MAP4K3: variants seen among roughly 807,000 people sequenced by gnomAD.
The protein encoded by MAP4K3 is mitogen-activated protein kinase kinase kinase kinase 3.
In MAP4K3, 94 loss-of-function variants were observed where a neutral mutation model predicts 143.5. The observed-to-expected ratio is 0.65, with a 90% CI of 0.55 to 0.78. The LOEUF (loss-of-function observed/expected upper bound fraction) is 0.78, where lower values mean the gene tolerates loss of function less well. Among genes scored for constraint, MAP4K3 ranks in the 30% least tolerant of loss-of-function variants. The pLI is 0.00. For missense variants in MAP4K3, 1,077 were observed against 1,068.1 expected, an observed-to-expected ratio of 1.01 and a Z score of -0.12; for synonymous variants, 416 against 347.2, an observed-to-expected ratio of 1.20 and a Z score of -2.20.
At chr2:39,321,484 A>T (rs1352890652) in intron 12 of MAP4K3, among the ~76,000 whole-genome samples, 1 of 152,220 alleles carries the variant, frequency 6.6e-6, no homozygotes, top group African/African-American at 2.4e-5. Context: ...CGCCTAGGAA[A>T]GCCAGGTATT....
intron 1 of MAP4K3, among the ~76,000 whole-genome samples, chr2:39,424,389 T>C (rs1339000843): frequency 1.3e-5 from 2 of 152,066 alleles, no homozygotes; most frequent in African/African-American, 2.4e-5. Context: ...ATCTCTGCAA[T>C]CTAGGTGCTT....
chr2:39,355,435 G>A (rs986850069), intron 3 of MAP4K3, among the ~76,000 whole-genome samples: 1 of 151,364 alleles, frequency 6.6e-6, no homozygotes, highest in South Asian at 2.1e-4. Flanking sequence ...TGAGGCTGAG[G>A]TGGGAGGATC....
At chr2:39,302,991 G>A (rs1365077744) in intron 15 of MAP4K3, 1 of 166,780 alleles carries the variant, frequency 6.0e-6, no homozygotes, top group Non-Finnish European at 1.5e-5. Flanking sequence ...GTAACATGGA[G>A]CACCGGAAAA....
chr2:39,273,720 A>G (rs1195639981), intron 24 of MAP4K3, among the ~76,000 whole-genome samples: 1 of 152,210 alleles, frequency 6.6e-6, no homozygotes, highest in Non-Finnish European at 1.5e-5. Context: ...AAAATAACCA[A>G]TTTCTCCAAA....
rs114870542 is a variant in MAP4K3 at position 39,382,854 on chromosome 2, G to A, written c.97-4731C>T. Among the ~76,000 whole-genome samples the A allele has an allele frequency of 8.1e-3, 1,240 of 152,210 alleles. 8 individuals are homozygous for A. The highest frequency in any genetic ancestry group is 0.013 in the Non-Finnish European group (868 of 68,014). On this transcript the variant is annotated intron_variant, in intron 1 of 33. Transcript: ENST00000263881. ...AACCACCAACTTATAAGCCTGAAAAGGTATTACAGGAATGATGGCATGAAG... is the reference window on the plus strand; with the variant it reads ...AACCACCAACTTATAAGCCTGAAAAAGTATTACAGGAATGATGGCATGAAG...
chr2:39,424,463 G>C (rs918579510), intron 1 of MAP4K3, among the ~76,000 whole-genome samples: 7 of 152,082 alleles, frequency 4.6e-5, no homozygotes, highest in Non-Finnish European at 1.0e-4. Context: ...CAGCACATTG[G>C]AACGGAGACC....
Position 39,249,335 on chromosome 2 carries a change from C to T in MAP4K3, c.*1283G>A, listed in dbSNP as rs1421357767. 6.6e-6 allele frequency: 1 copy of T among 152,464 alleles called. No individual in the cohort carries two copies. Among genetic ancestry groups the T allele is most frequent in the East Asian group, 1.9e-4 (1 of 5,202 alleles). The allele number at this position is 152,464 out of a possible 1,614,324, so 9.4% of individuals were successfully genotyped here. A position where few individuals can be genotyped will look rare whatever the true frequency, so the allele number is the denominator to read the frequency against. On this transcript the variant is annotated 3_prime_UTR_variant, in exon 34 of 34. Transcript: ENST00000263881. ...GTACAATCAGGAACATATTTTAAAA[C>T]CATTATCATTAAAATAAATGAAGAT... is the stretch of plus-strand genomic sequence containing the variant.
At chr2:39,282,146 G>C (rs984962173) in intron 22 of MAP4K3, among the ~76,000 whole-genome samples, 13 of 150,002 alleles carry the variant, frequency 8.7e-5, no homozygotes, top group Non-Finnish European at 1.8e-4. Context: ...AATGAGCTGA[G>C]ATTATGCCAC....
rs527749687 is a variant in MAP4K3 at position 39,254,161 on chromosome 2, T to G, written c.2541+289A>C. Among the ~76,000 whole-genome samples, 8 of 152,238 alleles carry G rather than the reference T, an allele frequency of 5.3e-5. No homozygotes were observed. The East Asian group carries it at 1.5e-3, about 29-fold the overall frequency. On this transcript the variant is annotated intron_variant, in intron 32 of 33. Coordinates refer to ENST00000263881, the MANE Select transcript of MAP4K3 (RefSeq NM_003618.4). Reference sequence around the variant, plus strand: ...TGCTCCTGGGGTTCCTCTGGGAAAGTTGAAAGAAAATCATAGTTGGCTCAC... The same window carrying G: ...TGCTCCTGGGGTTCCTCTGGGAAAGGTGAAAGAAAATCATAGTTGGCTCAC...
chr2:39,256,647 A>T, intron 31 of MAP4K3, among the ~76,000 whole-genome samples: 1 of 152,334 alleles, frequency 6.6e-6, no homozygotes, highest in Non-Finnish European at 1.5e-5. Context: ...TTAGATTTTT[A>T]AAAATGATTT....
At chr2:39,427,292 T>G (rs992310177) in intron 1 of MAP4K3, among the ~76,000 whole-genome samples, 8 of 151,950 alleles carry the variant, frequency 5.3e-5, no homozygotes, top group African/African-American at 1.9e-4. Flanking sequence ...TGAGTTTACC[T>G]TATACAGTTC....
At chr2:39,372,765 T>C (rs1002487807) in intron 2 of MAP4K3, among the ~76,000 whole-genome samples, 1 of 152,106 alleles carries the variant, frequency 6.6e-6, no homozygotes, top group Admixed American at 6.5e-5. Context: ...ACCCCCTTCC[T>C]CTTACCATAT....
chr2:39,390,193 A>C (rs2148594345), intron 1 of MAP4K3, among the ~76,000 whole-genome samples: 1 of 152,278 alleles, frequency 6.6e-6, no homozygotes, highest in Non-Finnish European at 1.5e-5. Context: ...ATAACTGGGG[A>C]TGATAATAGT....
rs1297547709 is a variant in MAP4K3, at chr2:39,325,755, C to T, written c.782G>A (p.Arg261Lys). ...CTGTAATAATTTTTCAGCAGTAGGT[C>T]TTTTTTTCGGATTTTTGGTAAGTGC... The part of the protein sequence containing the change: ...KMALTKNPKK[R>K]PTAEKLLQHP... The change falls in exon 11 of 34, where the codon AGA (arginine) becomes AAA (lysine). Residue 261 changes from arginine (R) to lysine (K), a missense_variant. Coordinates refer to ENST00000263881, the MANE Select transcript of MAP4K3 (RefSeq NM_003618.4). 1.2e-6 allele frequency: 2 copies of T among 1,609,632 alleles called. No individual in the cohort carries two copies. Among genetic ancestry groups the T allele is most frequent in the South Asian group, 2.2e-5 (2 of 89,812 alleles).
intron 13 of MAP4K3, among the ~76,000 whole-genome samples, chr2:39,312,494 G>A (rs887869524): frequency 3.9e-5 from 6 of 152,144 alleles, no homozygotes; most frequent in African/African-American, 1.4e-4. Flanking sequence ...AACTTTGTAT[G>A]TAAATTTATT....
intron 6 of MAP4K3, among the ~76,000 whole-genome samples, chr2:39,336,267 G>T (rs1032262306): frequency 2.2e-4 from 34 of 151,970 alleles, no homozygotes; most frequent in African/African-American, 8.0e-4. Flanking sequence ...GAGGTCAGGA[G>T]ATCGAGACCA....
intron 26 of MAP4K3, among the ~76,000 whole-genome samples, chr2:39,270,044 G>T (rs1354503634): frequency 6.6e-5 from 10 of 152,152 alleles, no homozygotes; most frequent in African/African-American, 2.2e-4. Context: ...TCGGCTGGCA[G>T]AAAGTTTAAT....
chr2:39,295,341 AT>A (rs1276405052), intron 16 of MAP4K3, among the ~76,000 whole-genome samples: 2 of 151,738 alleles, frequency 1.3e-5, no homozygotes, highest in Non-Finnish European at 2.9e-5. Flanking sequence ...AAATAATATT[AT>A]TTTAAAAATA....
At position 39,299,812 on chromosome 2, in the gene MAP4K3, A is replaced by G; in HGVS notation, c.1120-11T>C. ...TTCCAGTTGCAGATCCTAATAGTAC[A>G]AAATAAAATATTTAGCACAATAGTA... On this transcript the variant is annotated splice_polypyrimidine_tract_variant and intron_variant, in intron 15 of 33. Transcript: ENST00000263881. The G allele has an allele frequency of 1.3e-6, 2 of 1,504,640 alleles. No homozygotes were observed. Among genetic ancestry groups the G allele is most frequent in the South Asian group, 1.3e-5 (1 of 75,952 alleles). The allele number at this position is 1,504,640 out of a possible 1,614,324, so 93.2% of individuals were successfully genotyped here. A position where few individuals can be genotyped will look rare whatever the true frequency, so the allele number is the denominator to read the frequency against.
Sources: gnomAD v4.1 joint callset for allele counts (sites outside exome capture counted in the v4.1 genomes callset) on GRCh38, gnomAD v4.1.1 for gene constraint, MANE v1.5 for transcripts, NCBI Gene and HGNC (gene_info 2026-07-23, HGNC 2026-07-21) for gene names.